The following DPP10 variants were observed in gnomAD, a reference collection of about 807,000 sequenced individuals.
DPP10 encodes dipeptidyl peptidase like 10, also known as inactive dipeptidyl peptidase 10.
In DPP10, 33 loss-of-function variants were observed where a neutral mutation model predicts 120.9. The observed-to-expected ratio is 0.27, with a 90% CI of 0.21 to 0.37. The LOEUF is 0.37. Among genes scored for constraint, DPP10 ranks in the 10% least tolerant of loss-of-function variants. DPP10 has a pLI of 1.00. For synonymous variants in DPP10, 337 were observed against 326.1 expected, an observed-to-expected ratio of 1.03 and a Z score of -0.36; for missense variants, 816 against 942.8, an observed-to-expected ratio of 0.87 and a Z score of 1.76.
In DPP10 at chr2:115,654,091, A is replaced by G. The variant is rs569641097; in HGVS notation, c.442-35596A>G. ...CTAATTATATCAGAAATATTTACAC[A>G]TCAGTCTACTCAATTTGATTTTGAT... On this transcript the variant is annotated intron_variant, in intron 5 of 25. Coordinates refer to ENST00000410059, the MANE Select transcript of DPP10 (RefSeq NM_020868.6). Among the ~76,000 whole-genome samples, 24 of 151,990 alleles carry G rather than the reference A, an allele frequency of 1.6e-4. 1 individual carries two copies. The highest frequency in any genetic ancestry group is 1.0e-3 in the South Asian group (5 of 4,824).
intron 11 of DPP10, among the ~76,000 whole-genome samples, chr2:115,759,194 A>T (rs1679794340): frequency 6.6e-6 from 1 of 152,162 alleles, no homozygotes; most frequent in African/African-American, 2.4e-5. Flanking sequence ...AATAATAAAA[A>T]CACAACCTCA....
chr2:115,307,741 A>C (rs1233100160), intron 1 of DPP10, among the ~76,000 whole-genome samples: 1 of 152,096 alleles, frequency 6.6e-6, no homozygotes, highest in African/African-American at 2.4e-5. Flanking sequence ...ACTCACCTAG[A>C]AACTTGCAGG....
At position 115,145,171 on chromosome 2, in the gene DPP10, A is replaced by T. The variant is rs181875509; in HGVS notation, c.61-164068A>T. ...AAAAAAAAAAGAAGAAATAAAAGAA[A>T]GGCAAGAAGATGAATGGAAGAAAGA... On this transcript the variant is annotated intron_variant, in intron 1 of 25. Coordinates refer to ENST00000410059, the MANE Select transcript of DPP10 (RefSeq NM_020868.6). 1.5e-3 allele frequency: 228 copies of T among 152,288 alleles called. 6 individuals carry two copies. Among genetic ancestry groups the T allele is most frequent in the African/African-American group, 5.1e-3 (210 of 41,574 alleles). 9.4% of individuals were successfully genotyped at this position (152,288 alleles called of 1,614,324 possible). A position where few individuals can be genotyped will look rare whatever the true frequency, so the allele number is the denominator to read the frequency against.
intron 5 of DPP10, among the ~76,000 whole-genome samples, chr2:115,612,907 G>C (rs1051379591): frequency 2.6e-5 from 4 of 151,124 alleles, no homozygotes; most frequent in Non-Finnish European, 4.4e-5. Flanking sequence ...ATAAAGTCAT[G>C]ACAACTGGTA....
chr2:115,440,972 G>T (rs1423291638), intron 3 of DPP10: 1 of 152,168 alleles, frequency 6.6e-6, no homozygotes, highest in East Asian at 1.9e-4. Context: ...TGGGTAAGGA[G>T]CCCTTAGTGT....
chr2:115,654,547 A>C (rs1466779717), intron 5 of DPP10, among the ~76,000 whole-genome samples: 3 of 152,058 alleles, frequency 2.0e-5, no homozygotes, highest in Admixed American at 6.6e-5. Context: ...TTGCCAAAGC[A>C]AACAGAACAG....
chr2:114,922,941 T>C (rs528864046), intron 1 of DPP10, among the ~76,000 whole-genome samples: 3 of 149,342 alleles, frequency 2.0e-5, no homozygotes, highest in Admixed American at 6.6e-5. Context: ...ATGGTAACTC[T>C]GTTTAACAAT....
At chr2:115,638,725 A>G (rs1367532121) in intron 5 of DPP10, among the ~76,000 whole-genome samples, 8 of 152,196 alleles carry the variant, frequency 5.3e-5, no homozygotes, top group African/African-American at 1.9e-4. Flanking sequence ...ACAAATGTGT[A>G]GAGTCCAGAC....
At chr2:115,023,836 G>T (rs1573344862) in intron 1 of DPP10, among the ~76,000 whole-genome samples, 2 of 152,058 alleles carry the variant, frequency 1.3e-5, no homozygotes, top group South Asian at 4.1e-4. Flanking sequence ...GCCATAAAAA[G>T]GAGCAAAATA....
chr2:115,815,721 T>A lies in DPP10; in HGVS notation c.1942T>A (p.Phe648Ile), dbSNP rs1559193463. 6 of 1,600,978 alleles carry A rather than the reference T, an allele frequency of 3.7e-6. No homozygotes were observed. The highest frequency in any genetic ancestry group is 1.7e-5 in the Admixed American group (1 of 58,762). ...CATTGACTCCAAAAGATTAAGCATTTTTGGAAAGGTAAATAGTAGAAATGC... is the reference window on the plus strand; with the variant it reads ...CATTGACTCCAAAAGATTAAGCATTATTGGAAAGGTAAATAGTAGAAATGC... The part of the protein sequence containing the change: ...PYIDSKRLSI[F>I]GKGYGGYIAS... Residue 648 changes from phenylalanine to isoleucine, a missense_variant, in exon 21 of 26, where the codon TTT becomes ATT. Transcript: ENST00000410059.
chr2:114,696,404 G>A (rs563684502), intron 1 of DPP10, among the ~76,000 whole-genome samples: 8 of 152,114 alleles, frequency 5.3e-5, no homozygotes, highest in South Asian at 2.1e-4. Flanking sequence ...ACAATGTTCT[G>A]TGGGATAGTA....
chr2:114,871,169 C>A lies in DPP10; in HGVS notation c.60+428331C>A, dbSNP rs1690657658. On this transcript the variant is annotated intron_variant, in intron 1 of 25. Coordinates refer to ENST00000410059, the MANE Select transcript of DPP10 (RefSeq NM_020868.6). ...GAACTACGTCAAATAATGACCTTGC[C>A]CCACCCAGCTCTTTTTCTTTTTTGG... Among the ~76,000 whole-genome samples the A allele has an allele frequency of 2.1e-5, 2 of 95,252 alleles. 1 individual carries two copies. The highest frequency in any genetic ancestry group is 6.6e-5 in the African/African-American group (2 of 30,384). The allele number at this position is 95,252 out of a possible 152,430, so 62.5% of individuals were successfully genotyped here. A position where few individuals can be genotyped will look rare whatever the true frequency, so the allele number is the denominator to read the frequency against.
At chr2:115,018,664 G>C (rs1702845843) in intron 1 of DPP10, among the ~76,000 whole-genome samples, 1 of 152,104 alleles carries the variant, frequency 6.6e-6, no homozygotes, top group South Asian at 2.1e-4. Flanking sequence ...TGAACAACAA[G>C]AACACACGGA....
At chr2:115,113,752 G>A (rs1190023586) in intron 1 of DPP10, among the ~76,000 whole-genome samples, 1 of 152,064 alleles carries the variant, frequency 6.6e-6, no homozygotes, top group Non-Finnish European at 1.5e-5. Context: ...TTCTACATAG[G>A]CTGCTCAAAA....
intron 13 of DPP10, 117 bp from the exon 14 acceptor site, chr2:115,777,091 T>A: frequency 1.2e-6 from 1 of 833,754 alleles, no homozygotes; most frequent in South Asian, 1.7e-5. Flanking sequence ...AACAGAAAAC[T>A]GAGTGTTAAC....
chr2:115,156,206 G>A (rs556736150), intron 1 of DPP10, among the ~76,000 whole-genome samples: 17 of 152,240 alleles, frequency 1.1e-4, no homozygotes, highest in South Asian at 8.3e-4. Flanking sequence ...CTGATATCCC[G>A]AAACTATTAT....
intron 21 of DPP10, among the ~76,000 whole-genome samples, chr2:115,820,353 C>T (rs1188434948): frequency 6.6e-6 from 1 of 150,860 alleles, no homozygotes; most frequent in East Asian, 1.9e-4. Context: ...TTACTTGATC[C>T]TGATTAGCCA....
chr2:115,535,863 C>A (rs940923430), intron 5 of DPP10, among the ~76,000 whole-genome samples: 12 of 152,008 alleles, frequency 7.9e-5, no homozygotes, highest in Non-Finnish European at 8.8e-5. Context: ...GTATTTTATT[C>A]TCTTTGAAGC....
chr2:115,436,105 G>C lies in DPP10; in HGVS notation c.272-63405G>C, dbSNP rs1004554292. On this transcript the variant is annotated intron_variant, in intron 3 of 25. Transcript: ENST00000410059. ...TAATAGTGGAAATGTTAGGTCAAAA[G>C]GGTGAAAAATGTTTTTCAGAGATAT... Among the ~76,000 whole-genome samples the C allele has an allele frequency of 5.9e-5, 9 of 151,904 alleles. No homozygotes were observed. In the East Asian group the frequency reaches 1.2e-3, roughly 20 times the overall value.
Sources: gnomAD v4.1 joint callset for allele counts (sites outside exome capture counted in the v4.1 genomes callset) on GRCh38, gnomAD v4.1.1 for gene constraint, MANE v1.5 for transcripts, NCBI Gene and HGNC (gene_info 2026-07-23, HGNC 2026-07-21) for gene names.